ADORA2B: variants seen among roughly 807,000 people sequenced by gnomAD.
ADORA2B encodes the protein adenosine receptor A2b.
A neutral mutation model predicts 20.8 loss-of-function variants in ADORA2B; 18 were observed. That is an observed-to-expected ratio of 0.87 (90% CI 0.60 to 1.29). The LOEUF is 1.29. ADORA2B is among the 50% of genes most tolerant of loss of function. The probability of loss-of-function intolerance (pLI) is 0.00; values close to 1 mark genes in which losing one functional copy is unlikely to be tolerated. For missense variants in ADORA2B, 441 were observed against 422.7 expected (o/e 1.04, Z -0.38); for synonymous variants, 179 against 178.3 (o/e 1.00, Z -0.03).
upstream of ADORA2B, among the ~76,000 whole-genome samples, chr17:15,942,525 T>C (rs953903643): frequency 2.6e-5 from 4 of 152,176 alleles, no homozygotes; most frequent in African/African-American, 4.8e-5. Flanking sequence ...GCCTAATACA[T>C]TGGGTGATTC....
the ADORA2B span, among the ~76,000 whole-genome samples, chr17:15,926,664 C>G: frequency 6.6e-6 from 1 of 152,034 alleles, no homozygotes; most frequent in East Asian, 1.9e-4. Flanking sequence ...CCTCCCAGGC[C>G]CTATCTGAGG....
the ADORA2B span, among the ~76,000 whole-genome samples, chr17:15,937,258 A>T: frequency 0.041 from 6,231 of 152,192 alleles, 461 homozygotes; most frequent in African/African-American, 0.14. Context: ...AAATTCTGTG[A>T]TGTCTGTATT....
At chr17:15,916,314 C>G in the ADORA2B span, among the ~76,000 whole-genome samples, 2 of 152,194 alleles carry the variant, frequency 1.3e-5, no homozygotes, top group Non-Finnish European at 1.5e-5. Flanking sequence ...GGGTCTGAGC[C>G]AGCCCCTGAG....
chr17:15,882,346 C>G, the ADORA2B span, among the ~76,000 whole-genome samples: 1 of 152,164 alleles, frequency 6.6e-6, no homozygotes, highest in African/African-American at 2.4e-5. Flanking sequence ...TCTGACCTGC[C>G]AAATTCCTGT....
the ADORA2B span, among the ~76,000 whole-genome samples, chr17:15,869,439 A>G: frequency 6.6e-6 from 1 of 152,036 alleles, no homozygotes; most frequent in Non-Finnish European, 1.5e-5. Flanking sequence ...ACAAGTATTT[A>G]TTTTGTTATC....
chr17:15,954,091 G>A (rs527956117), intron 1 of ADORA2B, among the ~76,000 whole-genome samples: 10 of 151,874 alleles, frequency 6.6e-5, no homozygotes, highest in African/African-American at 2.4e-4. Flanking sequence ...CAATTCTCCT[G>A]CCTCAGCCTC....
chr17:15,923,133 G>C, the ADORA2B span, among the ~76,000 whole-genome samples: 4 of 146,966 alleles, frequency 2.7e-5, no homozygotes, highest in Admixed American at 1.4e-4. Flanking sequence ...AGTGGTTCTC[G>C]TGCCTCAGCC....
At chr17:15,869,859 A>G in the ADORA2B span, among the ~76,000 whole-genome samples, 2 of 152,202 alleles carry the variant, frequency 1.3e-5, no homozygotes, top group East Asian at 1.9e-4. Context: ...AATTGCATAT[A>G]CTGTGTTATA....
chr17:15,964,615 CAAAAAAA>C (rs372895382), intron 1 of ADORA2B, among the ~76,000 whole-genome samples: 2 of 66,386 alleles, frequency 3.0e-5, no homozygotes, highest in Non-Finnish European at 3.6e-5. Flanking sequence ...GACTCTGTCT[CAAAAAAA>C]AAAAAAAAAA....
chr17:15,914,660 C>T, the ADORA2B span, among the ~76,000 whole-genome samples: 2 of 152,234 alleles, frequency 1.3e-5, no homozygotes, highest in African/African-American at 4.8e-5. Flanking sequence ...AGTGCAGTTT[C>T]AGTATTTAAA....
At chr17:15,907,215 G>GT in the ADORA2B span, among the ~76,000 whole-genome samples, 13,664 of 147,124 alleles carry the variant, frequency 0.093, 1,730 homozygotes, top group African/African-American at 0.29. Context: ...CTGTGAAAGT[G>GT]TTTTTTTTTT....
At chr17:15,935,691 TTAA>T in the ADORA2B span, among the ~76,000 whole-genome samples, 15 of 152,256 alleles carry the variant, frequency 9.9e-5, 1 homozygote, top group East Asian at 2.1e-3. Context: ...ATTGGTACAC[TTAA>T]TGATATCTCC....
At chr17:15,885,717 AAAAAAAAAC>A in the ADORA2B span, among the ~76,000 whole-genome samples, 2 of 151,944 alleles carry the variant, frequency 1.3e-5, no homozygotes, top group Non-Finnish European at 2.9e-5. Context: ...CCGTATCAAA[AAAAAAAAAC>A]AAAAAAAAAC....
chr17:15,867,084 G>A, the ADORA2B span, among the ~76,000 whole-genome samples: 4 of 152,238 alleles, frequency 2.6e-5, no homozygotes, highest in Non-Finnish European at 5.9e-5. Context: ...CGTTCACTCA[G>A]TGCTCAATGG....
the ADORA2B span, among the ~76,000 whole-genome samples, chr17:15,901,259 A>T: frequency 6.6e-6 from 1 of 152,140 alleles, no homozygotes; most frequent in Non-Finnish European, 1.5e-5. Context: ...TTAGGTCAGG[A>T]GTTTGAGACC....
At chr17:15,870,377 A>G in the ADORA2B span, among the ~76,000 whole-genome samples, 2 of 151,820 alleles carry the variant, frequency 1.3e-5, no homozygotes, top group South Asian at 4.2e-4. Context: ...GGTGGCTCAC[A>G]CCAGTAATCC....
chr17:15,891,469 T>G, the ADORA2B span, among the ~76,000 whole-genome samples: 1 of 152,218 alleles, frequency 6.6e-6, no homozygotes, highest in Non-Finnish European at 1.5e-5. Flanking sequence ...CCCTGGGCTC[T>G]TATTGCACAT....
chr17:15,928,870 G>A, the ADORA2B span, among the ~76,000 whole-genome samples: 1 of 152,152 alleles, frequency 6.6e-6, no homozygotes. Flanking sequence ...AGTGGCTGGA[G>A]GTCTGGAGGT....
At chr17:15,886,130 C>G in the ADORA2B span, among the ~76,000 whole-genome samples, 1 of 152,212 alleles carries the variant, frequency 6.6e-6, no homozygotes, top group Non-Finnish European at 1.5e-5. Context: ...CACCATTTCA[C>G]TTAACATCAC....
Sources: allele counts gnomAD v4.1 joint callset (sites outside exome capture counted in the v4.1 genomes callset), GRCh38; gene constraint gnomAD v4.1.1; transcripts MANE v1.5; gene names NCBI Gene and HGNC (gene_info 2026-07-23, HGNC 2026-07-21).